Variants in WWOX observed in about 807,000 individuals in gnomAD.
The protein encoded by WWOX is WW domain-containing oxidoreductase.
In WWOX, 69 loss-of-function variants were observed where a neutral mutation model predicts 46.2. The observed-to-expected ratio is 1.49, with a 90% CI of 1.23 to 1.82. The LOEUF (loss-of-function observed/expected upper bound fraction) is 1.82. Ranked by LOEUF, WWOX falls within the 40% of genes most tolerant of loss-of-function variation. The pLI is 0.00. For synonymous variants in WWOX, 359 were observed against 202.6 expected, an observed-to-expected ratio of 1.77 and a Z score of -6.56; for missense variants, 919 against 542.6, an observed-to-expected ratio of 1.69 and a Z score of -6.89.
At chr16:78,541,358 C>T (rs1032229354) in intron 8 of WWOX, among the ~76,000 whole-genome samples, 3 of 150,052 alleles carry the variant, frequency 2.0e-5, no homozygotes, top group Non-Finnish European at 3.0e-5. Flanking sequence ...CCTGTAGTCC[C>T]AGCTACTTGG....
At chr16:79,070,217 T>C (rs2048522947) in intron 8 of WWOX, among the ~76,000 whole-genome samples, 1 of 151,878 alleles carries the variant, frequency 6.6e-6, no homozygotes, top group Non-Finnish European at 1.5e-5. Flanking sequence ...AAACCCACAC[T>C]TGGTCTGAGA....
intron 8 of WWOX, among the ~76,000 whole-genome samples, chr16:78,625,937 C>T (rs1597366283): frequency 6.7e-6 from 1 of 149,660 alleles, no homozygotes; most frequent in African/African-American, 2.5e-5. Context: ...ATTTGCATTA[C>T]TTAAAAGTAA....
Position 78,529,404 on chromosome 16 carries a change from GTT to G in WWOX, c.1056+96653_1056+96654del, listed in dbSNP as rs538239384. Reference sequence around the variant, plus strand: ...TGGGTATGTTTTGTTCTATTTTCTGGTTGGTGGTTTTCTTTCTGTCGGGTCCC... The same window carrying G: ...TGGGTATGTTTTGTTCTATTTTCTGGGGTGGTTTTCTTTCTGTCGGGTCCC... On this transcript the variant is annotated intron_variant, in intron 8 of 8. Coordinates refer to ENST00000566780, the MANE Select transcript of WWOX (RefSeq NM_016373.4). Among the ~76,000 whole-genome samples, 326 of 152,174 alleles carry G rather than the reference GTT, an allele frequency of 2.1e-3. 10 individuals are homozygous for G. In the South Asian group the frequency reaches 0.064, roughly 30 times the overall value.
chr16:78,735,394 AACACACACACAC>A (rs35975130), intron 8 of WWOX, among the ~76,000 whole-genome samples: 3 of 121,388 alleles, frequency 2.5e-5, no homozygotes, highest in South Asian at 2.6e-4. Context: ...ACCACACACA[AACACACACACAC>A]ACACACACAC....
intron 6 of WWOX, among the ~76,000 whole-genome samples, chr16:78,388,829 CG>C (rs1292128541): frequency 2.0e-5 from 3 of 149,656 alleles, no homozygotes; most frequent in Non-Finnish European, 4.5e-5. Context: ...ATTAACTGGG[CG>C]GGGAGGCACA....
intron 8 of WWOX, among the ~76,000 whole-genome samples, chr16:79,150,761 C>T (rs930875574): frequency 5.3e-5 from 8 of 152,170 alleles, no homozygotes; most frequent in African/African-American, 1.7e-4. Context: ...ACCCCTTTGG[C>T]CTCCTGGGTA....
At chr16:78,951,744 G>C (rs545484413) in intron 8 of WWOX, among the ~76,000 whole-genome samples, 11 of 152,250 alleles carry the variant, frequency 7.2e-5, no homozygotes, top group Non-Finnish European at 1.3e-4. Context: ...GCCCATGGAA[G>C]GGGTGAGAGA....
intron 8 of WWOX, among the ~76,000 whole-genome samples, chr16:78,639,947 C>CAGGT (rs1334359200): frequency 6.6e-6 from 1 of 152,094 alleles, no homozygotes; most frequent in Non-Finnish European, 1.5e-5. Flanking sequence ...GAGTGGGAGG[C>CAGGT]AGGTGTTCGC....
At chr16:78,597,493 G>A (rs867560719) in intron 8 of WWOX, among the ~76,000 whole-genome samples, 7 of 152,072 alleles carry the variant, frequency 4.6e-5, no homozygotes, top group Admixed American at 2.6e-4. Flanking sequence ...ATTTGTGGCC[G>A]CCCACCCCAC....
chr16:78,772,600 CAAAT>C (rs1009799030), intron 8 of WWOX, among the ~76,000 whole-genome samples: 13 of 152,228 alleles, frequency 8.5e-5, no homozygotes, highest in African/African-American at 2.9e-4. Context: ...ATTAAACAAA[CAAAT>C]AAAAAAGTGG....
chr16:79,026,688 G>A lies in WWOX; in HGVS notation c.1057-184920G>A, dbSNP rs185870798. On this transcript the variant is annotated intron_variant, in intron 8 of 8. Transcript: ENST00000566780. ...GCTGCAGTGCAGTGGCGCGATCTCAGCTCACTGCAACCTCCGCCTCCCGGG... is the reference window on the plus strand; with the variant it reads ...GCTGCAGTGCAGTGGCGCGATCTCAACTCACTGCAACCTCCGCCTCCCGGG... 9.7e-3 allele frequency among the ~76,000 whole-genome samples: 1,353 copies of A among 139,596 alleles called. 13 individuals carry two copies. The highest frequency in any genetic ancestry group is 0.013 in the Non-Finnish European group (846 of 66,748). 91.6% of individuals were successfully genotyped at this position (139,596 alleles called of 152,430 possible).
At position 78,858,949 on chromosome 16, in the gene WWOX, G is replaced by T. The variant is rs1199835593; in HGVS notation, c.1057-352659G>T. Among the ~76,000 whole-genome samples, 5 of 142,604 alleles carry T rather than the reference G, an allele frequency of 3.5e-5. No individual in the cohort carries two copies. In the South Asian group the frequency reaches 1.1e-3, roughly 32 times the overall value. The allele number at this position is 142,604 out of a possible 152,430, so 93.6% of individuals were successfully genotyped here. A position where few individuals can be genotyped will look rare whatever the true frequency, so the allele number is the denominator to read the frequency against. ...CCACCTCAGCCTCCCAAAGTGCTGG[G>T]ATTACAGGTGTGAGCCACCACGGCT... On this transcript the variant is annotated intron_variant, in intron 8 of 8. Coordinates refer to ENST00000566780, the MANE Select transcript of WWOX (RefSeq NM_016373.4).
intron 8 of WWOX, among the ~76,000 whole-genome samples, chr16:78,727,914 T>G (rs1249025753): frequency 6.6e-6 from 1 of 152,132 alleles, no homozygotes; most frequent in African/African-American, 2.4e-5. Flanking sequence ...CATTTGTTTA[T>G]CTGGGTCATT....
intron 8 of WWOX, among the ~76,000 whole-genome samples, chr16:78,984,570 C>T (rs558465571): frequency 6.6e-6 from 1 of 152,174 alleles, no homozygotes; most frequent in Non-Finnish European, 1.5e-5. Flanking sequence ...GCAGAGAGTT[C>T]TGGCATCAAC....
chr16:78,224,630 G>A (rs2036992282), intron 5 of WWOX, among the ~76,000 whole-genome samples: 1 of 152,164 alleles, frequency 6.6e-6, no homozygotes, highest in South Asian at 2.1e-4. Context: ...TGCAATGAAT[G>A]TTTTTGTAGT....
intron 8 of WWOX, among the ~76,000 whole-genome samples, chr16:78,491,514 G>T (rs571030581): frequency 6.6e-6 from 1 of 152,106 alleles, no homozygotes; most frequent in African/African-American, 2.4e-5. Context: ...CCAGGCTGGA[G>T]TGCAGTGGCA....
chr16:78,236,919 A>G (rs537588711), intron 5 of WWOX, among the ~76,000 whole-genome samples: 1 of 152,158 alleles, frequency 6.6e-6, no homozygotes, highest in East Asian at 1.9e-4. Context: ...TACTAAAAAT[A>G]CAAAAGTTAG....
At chr16:79,190,093 C>T (rs2051103863) in intron 8 of WWOX, among the ~76,000 whole-genome samples, 1 of 151,650 alleles carries the variant, frequency 6.6e-6, no homozygotes, top group Non-Finnish European at 1.5e-5. Context: ...GGTGTGATCT[C>T]GGCTCACTGC....
At chr16:78,969,054 T>G (rs2046418856) in intron 8 of WWOX, among the ~76,000 whole-genome samples, 1 of 152,060 alleles carries the variant, frequency 6.6e-6, no homozygotes, top group East Asian at 1.9e-4. Flanking sequence ...CAGTGGCCCT[T>G]GTCTTGTTAT....
Sources: allele counts gnomAD v4.1 joint callset (sites outside exome capture counted in the v4.1 genomes callset), GRCh38; gene constraint gnomAD v4.1.1; transcripts MANE v1.5; gene names NCBI Gene and HGNC (gene_info 2026-07-23, HGNC 2026-07-21).